The following HIVEP2 variants were observed in gnomAD, a reference collection of about 807,000 sequenced individuals.
HIVEP2 encodes the protein transcription factor HIVEP2.
In HIVEP2, 14 loss-of-function variants were observed where a neutral mutation model predicts 180.7. The ratio of observed to expected loss-of-function variants is 0.08; its 90% CI spans 0.05 to 0.12. The LOEUF is 0.12. HIVEP2 is among the 10% of genes least tolerant of loss of function. The probability of loss-of-function intolerance (pLI) is 1.00; values close to 1 mark genes in which losing one functional copy is unlikely to be tolerated. For synonymous variants in HIVEP2, 1,184 were observed against 1,136.4 expected (o/e 1.04, Z -0.84); for missense variants, 2,579 against 3,008.5 (o/e 0.86, Z 3.34).
chr6:142,887,959 C>CAG, intron 1 of HIVEP2, among the ~76,000 whole-genome samples: 1 of 143,154 alleles, frequency 7.0e-6, no homozygotes, highest in African/African-American at 2.6e-5. Flanking sequence ...GGCGATGCAG[C>CAG]AAAAAAAAAA....
intron 1 of HIVEP2, among the ~76,000 whole-genome samples, chr6:142,878,357 G>A (rs1303561330): frequency 6.6e-6 from 1 of 152,122 alleles, no homozygotes; most frequent in Non-Finnish European, 1.5e-5. Flanking sequence ...TTTTCCAAAC[G>A]ATTCACAGCT....
chr6:142,765,183 T>C (rs947149141), intron 6 of HIVEP2, among the ~76,000 whole-genome samples: 2 of 152,210 alleles, frequency 1.3e-5, no homozygotes, highest in African/African-American at 4.8e-5. Flanking sequence ...CAAAATGTAA[T>C]GCTCCATGGA....
Position 142,760,022 on chromosome 6 carries a change from G to A in HIVEP2, c.6266C>T (p.Ser2089Leu). The part of the protein sequence containing the change: ...RRDLSPMRHL[S>L]PRKEAALRRE... ...TCTCAATGCAGCTTCCTTTCTTGGT[G>A]AAAGATGTCTCATGGGTGACAGATC... The change falls in exon 9 of 10, where the codon TCA becomes TTA. Residue 2089 changes from serine to leucine, a missense_variant. This residue lies in a region of HIVEP2 where 660 missense variants were observed against 731.7 expected (regional missense o/e 0.90). Transcript: ENST00000367603. The A allele has an allele frequency of 1.2e-6, 2 of 1,614,080 alleles. No homozygotes were observed. Among genetic ancestry groups the A allele is most frequent in the Non-Finnish European group, 8.5e-7 (1 of 1,179,976 alleles).
At chr6:142,799,593 C>T (rs1260997528) in intron 2 of HIVEP2, among the ~76,000 whole-genome samples, 2 of 152,140 alleles carry the variant, frequency 1.3e-5, no homozygotes, top group East Asian at 3.9e-4. Flanking sequence ...CATCAGTGGA[C>T]AGCTGCAACA....
chr6:142,848,545 C>T (rs915358951), intron 1 of HIVEP2, among the ~76,000 whole-genome samples: 2 of 151,932 alleles, frequency 1.3e-5, no homozygotes, highest in Non-Finnish European at 2.9e-5. Context: ...CATAGTGAGA[C>T]TCTGTCTCTA....
chr6:142,945,399 G>A (rs996884846), upstream of HIVEP2, among the ~76,000 whole-genome samples: 4 of 152,190 alleles, frequency 2.6e-5, no homozygotes, highest in East Asian at 1.9e-4. This position sits in a 1 kb window ranked among gnomAD's most constrained non-coding sequence, Gnocchi z 5.5. Flanking sequence ...GGGAGCGGGG[G>A]ACGGAGTTCG....
chr6:142,876,824 G>T (rs1776451322), intron 1 of HIVEP2, among the ~76,000 whole-genome samples: 1 of 151,712 alleles, frequency 6.6e-6, no homozygotes, highest in South Asian at 2.1e-4. Context: ...AGAGTTTAAG[G>T]CCAGCCTGGG....
chr6:142,875,760 G>A (rs1421262703), intron 1 of HIVEP2, among the ~76,000 whole-genome samples: 2 of 152,238 alleles, frequency 1.3e-5, no homozygotes, highest in East Asian at 3.9e-4. Context: ...GGAAAGGTTT[G>A]GTGGAGGAGC....
chr6:142,828,140 T>C (rs1179080907), intron 2 of HIVEP2, among the ~76,000 whole-genome samples: 1 of 152,158 alleles, frequency 6.6e-6, no homozygotes, highest in African/African-American at 2.4e-5. Context: ...AATATAAAGC[T>C]CTAAGCTCAA....
chr6:142,867,822 G>C (rs1010051257), intron 1 of HIVEP2, among the ~76,000 whole-genome samples: 1 of 152,122 alleles, frequency 6.6e-6, no homozygotes, highest in Admixed American at 6.6e-5. Flanking sequence ...CTATCCTAGT[G>C]GTTTTAAGGC....
intron 2 of HIVEP2, among the ~76,000 whole-genome samples, chr6:142,827,642 T>G (rs1160821306): frequency 1.3e-5 from 2 of 152,142 alleles, no homozygotes; most frequent in East Asian, 3.8e-4. Flanking sequence ...GTGTGGCAAG[T>G]GTGCTCACCA....
At chr6:142,874,523 C>G (rs1776377756) in intron 1 of HIVEP2, among the ~76,000 whole-genome samples, 1 of 152,122 alleles carries the variant, frequency 6.6e-6, no homozygotes, top group Admixed American at 6.6e-5. Flanking sequence ...TATATGCTAT[C>G]ACCAAGGAGG....
At position 142,773,270 on chromosome 6, in the gene HIVEP2, G is replaced by A. The variant is rs759009871; in HGVS notation, c.1469C>T (p.Thr490Met). ...GAACTTAGTGGATTTCAGCATGCTC[G>A]TTTGACTGGGGTCGACATCTCCCTT... Reference protein sequence around the residue: ...PSKGDVDPSQTSMLKSTKFNS... With the variant: ...PSKGDVDPSQMSMLKSTKFNS... Residue 490 changes from threonine (T) to methionine (M), a missense_variant, in exon 5 of 10, where the codon ACG (threonine) becomes ATG (methionine). Transcript: ENST00000367603. 9.9e-6 allele frequency: 16 copies of A among 1,614,180 alleles called. No homozygotes were observed. Among genetic ancestry groups the A allele is most frequent in the East Asian group, 8.9e-5 (4 of 44,874 alleles).
intron 9 of HIVEP2, among the ~76,000 whole-genome samples, chr6:142,756,705 C>A (rs1582827514): frequency 7.5e-6 from 1 of 133,450 alleles, no homozygotes; most frequent in Admixed American, 6.9e-5. Context: ...GATAAGGCCA[C>A]AGCCATAATA....
chr6:142,799,180 C>A (rs1158408931), intron 2 of HIVEP2, among the ~76,000 whole-genome samples: 1 of 152,136 alleles, frequency 6.6e-6, no homozygotes. Flanking sequence ...GCTGAAAAGG[C>A]AAACTGTTCT....
chr6:142,862,560 A>C (rs1776015871), intron 1 of HIVEP2, among the ~76,000 whole-genome samples: 1 of 146,952 alleles, frequency 6.8e-6, no homozygotes, highest in Non-Finnish European at 1.5e-5. Flanking sequence ...TAATACACAT[A>C]ATCGATTATG....
intron 5 of HIVEP2, among the ~76,000 whole-genome samples, chr6:142,769,085 G>A (rs1179227921): frequency 6.6e-6 from 1 of 152,230 alleles, no homozygotes; most frequent in Non-Finnish European, 1.5e-5. Flanking sequence ...GAAGGAGACA[G>A]ATGTCTCGTC....
chr6:142,771,786 T>C lies in HIVEP2; in HGVS notation c.2953A>G (p.Arg985Gly). ...GCAGAAAGCTTACTGGTTTCTTCTC[T>C]TTCAAAAGACATGGAGAAACTGGAG... ...HSSSFSMSFE[R>G]EETSKLSALP... The change falls in exon 5 of 10, where the codon AGA (arginine) becomes GGA (glycine). Residue 985 changes from arginine (R) to glycine (G), a missense_variant. Transcript: ENST00000367603. The surrounding 1 kb of genome is among the most constrained non-coding windows in gnomAD (Gnocchi z 5.4). 3 of 1,614,234 alleles carry C rather than the reference T, an allele frequency of 1.9e-6. No homozygotes were observed. Among genetic ancestry groups the C allele is most frequent in the Non-Finnish European group, 2.5e-6 (3 of 1,180,036 alleles).
At chr6:142,767,269 T>C (rs886788478) in intron 6 of HIVEP2, among the ~76,000 whole-genome samples, 1 of 152,208 alleles carries the variant, frequency 6.6e-6, no homozygotes, top group Admixed American at 6.5e-5. Flanking sequence ...TATATTTCTC[T>C]CGTTTGTGTT....
Sources: allele counts gnomAD v4.1 joint callset (sites outside exome capture counted in the v4.1 genomes callset), GRCh38; gene constraint gnomAD v4.1.1; regional missense constraint gnomAD v4.1.1; non-coding constraint Gnocchi (gnomAD v3.1); transcripts MANE v1.5; gene names NCBI Gene and HGNC (gene_info 2026-07-23, HGNC 2026-07-21).